PARG: variants seen among roughly 807,000 people sequenced by gnomAD.
PARG encodes mitochondrial poly(ADP-ribose) glycohydrolase.
In PARG, 35 loss-of-function variants were observed where a neutral mutation model predicts 113.0. The ratio of observed to expected loss-of-function variants is 0.31; its 90% CI spans 0.24 to 0.41. PARG has a LOEUF of 0.41. Ranked by LOEUF, PARG falls within the 10% of genes least tolerant of loss-of-function variation. The probability of loss-of-function intolerance (pLI) is 1.00; values close to 1 mark genes in which losing one functional copy is unlikely to be tolerated. For synonymous variants in PARG, 330 were observed against 409.9 expected, an observed-to-expected ratio of 0.81 and a Z score of 2.36; for missense variants, 797 against 1,169.4, an observed-to-expected ratio of 0.68 and a Z score of 4.64.
chr10:49,820,796 T>C (rs1176656302), intron 16 of PARG, among the ~76,000 whole-genome samples: 1 of 151,878 alleles, frequency 6.6e-6, no homozygotes, highest in Non-Finnish European at 1.5e-5. Context: ...TCAGACATGC[T>C]GCCAAGAATA....
rs1324898579 is a variant in PARG at position 49,859,610 on chromosome 10, A to C, written c.2205+1978T>G. On this transcript the variant is annotated intron_variant, in intron 12 of 17. Transcript: ENST00000616448. ...CGAGGTTTAAGATTGGCCTAACTTA[A>C]TTTTTACTGGAATAAGGTACATAAC... Among the ~76,000 whole-genome samples the C allele has an allele frequency of 7.9e-5, 12 of 152,320 alleles. No homozygotes were observed. In the East Asian group the frequency reaches 2.3e-3, roughly 29 times the overall value.
chr10:49,900,521 T>G (rs2080076290), intron 7 of PARG, among the ~76,000 whole-genome samples: 1 of 152,112 alleles, frequency 6.6e-6, no homozygotes, highest in African/African-American at 2.4e-5. Context: ...AAGAATAGAA[T>G]TGTGTAGGTT....
intron 6 of PARG, among the ~76,000 whole-genome samples, chr10:49,919,839 C>A (rs532676939): frequency 3.9e-5 from 6 of 152,160 alleles, no homozygotes; most frequent in African/African-American, 1.4e-4. Context: ...TGAGATCGTG[C>A]CACTGCGATC....
At chr10:49,853,872 T>C (rs1554834570) in intron 13 of PARG, among the ~76,000 whole-genome samples, 1 of 152,170 alleles carries the variant, frequency 6.6e-6, no homozygotes, top group African/African-American at 2.4e-5. Flanking sequence ...AATAACTCAT[T>C]GAAAGCTCCT....
At chr10:49,892,461 A>T (rs1554841791) in intron 7 of PARG, among the ~76,000 whole-genome samples, 1 of 152,076 alleles carries the variant, frequency 6.6e-6, no homozygotes, top group Non-Finnish European at 1.5e-5. Flanking sequence ...TTTTGCCTTA[A>T]GAGAAAGCCT....
intron 16 of PARG, among the ~76,000 whole-genome samples, chr10:49,823,048 A>C (rs1471606863): frequency 1.3e-5 from 2 of 152,226 alleles, no homozygotes; most frequent in Non-Finnish European, 2.9e-5. Flanking sequence ...TCATCTGACA[A>C]AATGAGAATA....
At chr10:49,904,702 G>A (rs1387053537) in intron 7 of PARG, among the ~76,000 whole-genome samples, 2 of 151,848 alleles carry the variant, frequency 1.3e-5, no homozygotes, top group African/African-American at 4.8e-5. Flanking sequence ...GATCACCTGA[G>A]GTCAGGGATT....
chr10:49,941,720 A>C lies in PARG; in HGVS notation c.6T>G (p.Asn2Lys). The change falls in exon 1 of 18, where the codon AAT becomes AAG. Residue 2 changes from asparagine to lysine, a missense_variant. By Grantham distance (94) the Asn-to-Lys change is moderately conservative. Coordinates refer to ENST00000616448, the MANE Select transcript of PARG (RefSeq NM_003631.5). ...TGCAGGGTTCACAGCCGGGGCCCGC[A>C]TTCATGCTGGGACCAGCAGCGCACT... M[N>K]AGPGCEPCTK... 1 of 1,574,380 alleles carries C rather than the reference A, an allele frequency of 6.4e-7. No homozygotes were observed. Among genetic ancestry groups the C allele is most frequent in the Non-Finnish European group, 8.6e-7 (1 of 1,162,578 alleles).
At chr10:49,823,460 G>A (rs181595376) in intron 16 of PARG, among the ~76,000 whole-genome samples, 1 of 152,074 alleles carries the variant, frequency 6.6e-6, no homozygotes, top group Admixed American at 6.5e-5. Context: ...AATATTTATT[G>A]AGTACCCACA....
chr10:49,912,118 A>G (rs1247839083), intron 7 of PARG, among the ~76,000 whole-genome samples: 1 of 151,554 alleles, frequency 6.6e-6, no homozygotes, highest in East Asian at 2.0e-4. Context: ...TGGCCAATAT[A>G]GTGAAACCCT....
At chr10:49,931,938 T>G (rs1209832305) in intron 4 of PARG, among the ~76,000 whole-genome samples, 162 bp downstream of exon 4, 1 of 152,218 alleles carries the variant, frequency 6.6e-6, no homozygotes, top group African/African-American at 2.4e-5. Context: ...CTATACTAAG[T>G]AAGTTATCAT....
rs996324561 is a variant in PARG at position 49,818,612 on chromosome 10, C to A, written c.*728G>T. 5 of 152,490 alleles carry A rather than the reference C, an allele frequency of 3.3e-5. No homozygotes were observed. Among genetic ancestry groups the A allele is most frequent in the African/African-American group, 1.2e-4 (5 of 41,412 alleles). The allele number at this position is 152,490 out of a possible 1,614,324, so 9.4% of individuals were successfully genotyped here. A position where few individuals can be genotyped will look rare whatever the true frequency, so the allele number is the denominator to read the frequency against. On this transcript the variant is annotated 3_prime_UTR_variant, in exon 18 of 18. Transcript: ENST00000616448. The stretch of plus-strand genomic sequence containing the variant: ...TTCTCTTGAATCTGTTTTCTTTACA[C>A]CACATCAGGAAAACCTCCTTTTATT...
intron 9 of PARG, among the ~76,000 whole-genome samples, chr10:49,876,952 A>T (rs1230418988): frequency 6.6e-6 from 1 of 151,562 alleles, no homozygotes; most frequent in Non-Finnish European, 1.5e-5. Flanking sequence ...AAAAAAAAAA[A>T]CTATCCTGTT....
intron 8 of PARG, among the ~76,000 whole-genome samples, chr10:49,880,753 A>C (rs1247867653): frequency 6.6e-6 from 1 of 152,144 alleles, no homozygotes; most frequent in Non-Finnish European, 1.5e-5. Context: ...AGCACAAGTG[A>C]CCAGCATTAA....
rs1455268282 is a variant in PARG, at chr10:49,933,826, G to C, written c.622C>G (p.Gln208Glu). The change falls in exon 3 of 18, where the codon CAA becomes GAA. Residue 208 changes from glutamine (Q) to glutamate (E), a missense_variant. Coordinates refer to ENST00000616448, the MANE Select transcript of PARG (RefSeq NM_003631.5). ...AGCTTTACAGTTGTGAGAAACTGTT[G>C]ATTGTCTCTATTCTCTTCACTATCT... ...DTDSEENRDN[Q>E]QFLTTVKLAN... The C allele has an allele frequency of 6.2e-7, 1 of 1,610,398 alleles. No homozygotes were observed. Among genetic ancestry groups the C allele is most frequent in the Non-Finnish European group, 8.5e-7 (1 of 1,176,794 alleles).
intron 4 of PARG, among the ~76,000 whole-genome samples, chr10:49,927,172 T>TGC (rs1321418719): frequency 6.6e-6 from 1 of 152,036 alleles, no homozygotes. Context: ...TTAGGCATTG[T>TGC]GCCGCGCGTC....
chr10:49,852,669 A>G (rs1554834396), intron 13 of PARG, among the ~76,000 whole-genome samples: 1 of 150,464 alleles, frequency 6.6e-6, no homozygotes, highest in Non-Finnish European at 1.5e-5. Context: ...CGTTCAAAAG[A>G]TTCTCCCACC....
chr10:49,894,048 T>C (rs1430353352), intron 7 of PARG, among the ~76,000 whole-genome samples: 1 of 151,726 alleles, frequency 6.6e-6, no homozygotes, highest in African/African-American at 2.4e-5. Flanking sequence ...CAGACTGGTA[T>C]TGAACTCCTG....
At chr10:49,890,027 G>A (rs1167895777) in intron 7 of PARG, among the ~76,000 whole-genome samples, 3 of 152,120 alleles carry the variant, frequency 2.0e-5, no homozygotes, top group South Asian at 2.1e-4. Flanking sequence ...TAAGATGTAC[G>A]TCATTTCTTA....
Sources: allele counts gnomAD v4.1 joint callset (sites outside exome capture counted in the v4.1 genomes callset), GRCh38; gene constraint gnomAD v4.1.1; transcripts MANE v1.5; gene names NCBI Gene and HGNC (gene_info 2026-07-23, HGNC 2026-07-21).